CCDC7: variants seen among roughly 807,000 people sequenced by gnomAD.
CCDC7 encodes the protein coiled-coil domain-containing protein 7.
Under a neutral mutation model 196.9 loss-of-function variants are expected in CCDC7, and 183 were observed. That is an observed-to-expected ratio of 0.93 (90% CI 0.82 to 1.05). The LOEUF (loss-of-function observed/expected upper bound fraction) is 1.05, where lower values mean the gene tolerates loss of function less well. CCDC7 is among the 50% of genes least tolerant of loss of function. The pLI, the probability that CCDC7 is intolerant of heterozygous loss-of-function variation, is 0.00. For missense variants in CCDC7, 1,540 were observed against 1,482.2 expected, an observed-to-expected ratio of 1.04 and a Z score of -0.64; for synonymous variants, 525 against 484.6, an observed-to-expected ratio of 1.08 and a Z score of -1.10.
At chr10:32,745,902 G>A (rs759438699) in intron 28 of CCDC7, among the ~76,000 whole-genome samples, 8 of 152,024 alleles carry the variant, frequency 5.3e-5, no homozygotes, top group Non-Finnish European at 1.0e-4. Flanking sequence ...GAGTTTTGTA[G>A]TTTCTACTAT....
intron 8 of CCDC7, among the ~76,000 whole-genome samples, chr10:32,477,568 A>G (rs2039234699): frequency 6.8e-6 from 1 of 147,126 alleles, no homozygotes; most frequent in Non-Finnish European, 1.5e-5. Context: ...TTTTTTTTGC[A>G]TTTGGATGTC....
intron 5 of CCDC7, among the ~76,000 whole-genome samples, chr10:32,463,566 C>G (rs536018744): frequency 1.3e-5 from 2 of 152,228 alleles, no homozygotes; most frequent in African/African-American, 4.8e-5. Flanking sequence ...TTGGAAAATA[C>G]TTTATATATG....
chr10:32,599,522 TTTCA>T (rs1244582131), intron 18 of CCDC7, among the ~76,000 whole-genome samples: 7 of 152,194 alleles, frequency 4.6e-5, no homozygotes, highest in African/African-American at 1.7e-4. Context: ...CTTCATTGTG[TTTCA>T]TTGATTTTTT....
intron 20 of CCDC7, among the ~76,000 whole-genome samples, chr10:32,657,076 G>A (rs1763793): frequency 0.34 from 52,064 of 152,274 alleles, 11,333 homozygotes; most frequent in Non-Finnish European, 0.49. Context: ...CAAGAGGTGG[G>A]CTTCCGTGGC....
At chr10:32,602,622 T>C (rs2061173999) in intron 18 of CCDC7, among the ~76,000 whole-genome samples, 1 of 152,212 alleles carries the variant, frequency 6.6e-6, no homozygotes, top group Admixed American at 6.5e-5. Flanking sequence ...CATACACTTT[T>C]TCTTTTCTTA....
At chr10:32,577,301 G>T (rs2058311136) in intron 16 of CCDC7, among the ~76,000 whole-genome samples, 1 of 152,120 alleles carries the variant, frequency 6.6e-6, no homozygotes, top group South Asian at 2.1e-4. Context: ...GGCGGAGGTT[G>T]CAGTGAGCTG....
intron 32 of CCDC7, among the ~76,000 whole-genome samples, chr10:32,829,917 T>C (rs1593227920): frequency 6.6e-6 from 1 of 151,154 alleles, no homozygotes; most frequent in African/African-American, 2.4e-5. Flanking sequence ...AATACTAGAC[T>C]GGCCTGGCCT....
At chr10:32,465,826 T>C (rs2036651416) in intron 5 of CCDC7, among the ~76,000 whole-genome samples, 1 of 152,198 alleles carries the variant, frequency 6.6e-6, no homozygotes. Flanking sequence ...AATATGAATT[T>C]TTACTCCTAA....
chr10:32,739,592 A>G (rs1246856301), intron 28 of CCDC7, among the ~76,000 whole-genome samples: 1 of 151,198 alleles, frequency 6.6e-6, no homozygotes, highest in East Asian at 1.9e-4. Context: ...TGGTATGATA[A>G]TTTGAAAAAT....
At chr10:32,458,466 T>TG (rs1235145614) in intron 3 of CCDC7, among the ~76,000 whole-genome samples, 1 of 16,146 alleles carries the variant, frequency 6.2e-5, no homozygotes, top group Non-Finnish European at 2.3e-4. Context: ...TGCATGTGTG[T>TG]GTGTGTGTGT....
intron 20 of CCDC7, among the ~76,000 whole-genome samples, chr10:32,640,103 T>C (rs552368249): frequency 6.6e-6 from 1 of 152,300 alleles, no homozygotes; most frequent in South Asian, 2.1e-4. Context: ...CCTTGTTAAC[T>C]TTCTGTCTCG....
downstream of CCDC7, among the ~76,000 whole-genome samples, chr10:32,880,664 G>A (rs1391446083): frequency 1.3e-5 from 2 of 152,114 alleles, no homozygotes; most frequent in Non-Finnish European, 2.9e-5. Context: ...TCTAGGATTT[G>A]TATAGTTTTG....
chr10:32,677,482 A>G (rs1326791803), intron 21 of CCDC7, among the ~76,000 whole-genome samples: 1 of 151,836 alleles, frequency 6.6e-6, no homozygotes, highest in Non-Finnish European at 1.5e-5. Context: ...TTAAAGCACA[A>G]TTTTTCTGGG....
At chr10:32,630,362 G>GTA (rs747682254) in intron 18 of CCDC7, among the ~76,000 whole-genome samples, 6 of 151,902 alleles carry the variant, frequency 3.9e-5, no homozygotes, top group African/African-American at 1.4e-4. Context: ...ATATGTATGT[G>GTA]TATATATATA....
chr10:32,814,763 A>G (rs1359354740), intron 31 of CCDC7, among the ~76,000 whole-genome samples: 4 of 152,236 alleles, frequency 2.6e-5, no homozygotes, highest in Non-Finnish European at 5.9e-5. Context: ...CAGCTGCAAT[A>G]AAGTTATTTA....
At chr10:32,444,723 C>T (rs2030571192), upstream of CCDC7, among the ~76,000 whole-genome samples, 1 of 151,802 alleles carries the variant, frequency 6.6e-6, no homozygotes, top group Non-Finnish European at 1.5e-5. Flanking sequence ...ATTTTATTGC[C>T]AACTTTAAAA....
At chr10:32,675,626 T>C (rs2074817509) in intron 21 of CCDC7, 1 of 152,382 alleles carries the variant, frequency 6.6e-6, no homozygotes, top group Non-Finnish European at 1.5e-5. Flanking sequence ...TCATATACTT[T>C]GGTGTTACTG....
At chr10:32,648,876 T>C (rs2068221809) in intron 20 of CCDC7, among the ~76,000 whole-genome samples, 1 of 152,214 alleles carries the variant, frequency 6.6e-6, no homozygotes, top group South Asian at 2.1e-4. Flanking sequence ...GTTACAGCAC[T>C]ATTTACAATA....
chr10:32,759,403 C>A (rs1474540001), intron 28 of CCDC7, among the ~76,000 whole-genome samples: 1 of 152,058 alleles, frequency 6.6e-6, no homozygotes, highest in African/African-American at 2.4e-5. Flanking sequence ...GAGATATGGA[C>A]CAATGGAATA....
Sources: gnomAD v4.1 joint callset for allele counts (sites outside exome capture counted in the v4.1 genomes callset) on GRCh38, gnomAD v4.1.1 for gene constraint, MANE v1.5 for transcripts, NCBI Gene and HGNC (gene_info 2026-07-23, HGNC 2026-07-21) for gene names.